Variants in LOXL2 observed in about 807,000 individuals in gnomAD.
The protein encoded by LOXL2 is lysyl oxidase like 2, also known as lysyl oxidase homolog 2.
A neutral mutation model predicts 93.0 loss-of-function variants in LOXL2; 70 were observed. That is an observed-to-expected ratio of 0.75 (90% CI 0.62 to 0.92). LOXL2 has a LOEUF of 0.92. Ranked by LOEUF, LOXL2 falls within the 40% of genes least tolerant of loss-of-function variation. LOXL2 has a pLI of 0.00. For missense variants in LOXL2, 973 were observed against 1,054.9 expected, an observed-to-expected ratio of 0.92 and a Z score of 1.08; for synonymous variants, 438 against 413.2, an observed-to-expected ratio of 1.06 and a Z score of -0.73.
chr8:23,339,549 C>T (rs368200380), intron 4 of LOXL2, among the ~76,000 whole-genome samples: 155 of 152,334 alleles, frequency 1.0e-3, no homozygotes, highest in African/African-American at 3.0e-3. Context: ...GGCTTCCAAA[C>T]GCCATCTGAA....
intron 1 of LOXL2, among the ~76,000 whole-genome samples, chr8:23,389,003 T>C (rs183097633): frequency 1.5e-4 from 23 of 152,270 alleles, no homozygotes; most frequent in East Asian, 9.7e-4. Context: ...TTGGAAGACA[T>C]TGTTAGCCCT....
chr8:23,364,150 A>T (rs1804354720), intron 2 of LOXL2: 1 of 152,286 alleles, frequency 6.6e-6, no homozygotes, highest in Non-Finnish European at 1.5e-5. Context: ...GGCTGGGATT[A>T]CAGGCATGAG....
chr8:23,324,328 C>T (rs1803544902), intron 6 of LOXL2, among the ~76,000 whole-genome samples: 1 of 152,174 alleles, frequency 6.6e-6, no homozygotes, highest in Non-Finnish European at 1.5e-5. Flanking sequence ...GGGGACAAGG[C>T]TCCGGGGGGC....
intron 3 of LOXL2, among the ~76,000 whole-genome samples, chr8:23,359,589 G>A (rs542679966): frequency 9.5e-4 from 144 of 152,280 alleles, no homozygotes; most frequent in South Asian, 3.3e-3. Flanking sequence ...CATGAGAGAC[G>A]CTGAGGAGAA....
At chr8:23,379,706 G>A (rs1286050385) in intron 1 of LOXL2, among the ~76,000 whole-genome samples, 1 of 152,196 alleles carries the variant, frequency 6.6e-6, no homozygotes, top group Non-Finnish European at 1.5e-5. Flanking sequence ...CTAGCAATGA[G>A]TGAGGCTCCG....
At chr8:23,305,952 C>T (rs1264998781) in intron 10 of LOXL2, among the ~76,000 whole-genome samples, 3 of 152,032 alleles carry the variant, frequency 2.0e-5, no homozygotes, top group African/African-American at 7.3e-5. Context: ...GCTGGGACTA[C>T]AGAGCACGCC....
chr8:23,306,683 A>G (rs929649625), intron 10 of LOXL2, among the ~76,000 whole-genome samples: 1 of 152,256 alleles, frequency 6.6e-6, no homozygotes, highest in Non-Finnish European at 1.5e-5. Flanking sequence ...GAGGACTGTC[A>G]TCTGAGCTGG....
At chr8:23,330,609 G>GA (rs1554478066) in intron 5 of LOXL2, among the ~76,000 whole-genome samples, 5 of 151,850 alleles carry the variant, frequency 3.3e-5, no homozygotes, top group Non-Finnish European at 7.4e-5. Context: ...AAAATATGAT[G>GA]TAAGGCACGC....
At chr8:23,335,451 G>A (rs1803773810) in intron 4 of LOXL2, among the ~76,000 whole-genome samples, 1 of 152,072 alleles carries the variant, frequency 6.6e-6, no homozygotes, top group African/African-American at 2.4e-5. Context: ...AAATAAATAA[G>A]TAAATAAATA....
chr8:23,357,321 T>A (rs927879196), intron 3 of LOXL2, among the ~76,000 whole-genome samples: 1 of 152,156 alleles, frequency 6.6e-6, no homozygotes, highest in Non-Finnish European at 1.5e-5. Flanking sequence ...CCACCCACCT[T>A]GGCCTCCCAA....
At chr8:23,394,168 G>A (rs547065951) in intron 1 of LOXL2, among the ~76,000 whole-genome samples, 115 of 152,130 alleles carry the variant, frequency 7.6e-4, no homozygotes, top group South Asian at 1.2e-3. Context: ...CGAGGTGGGC[G>A]GATCACCTGA....
At chr8:23,316,071 A>G (rs1803397035) in intron 9 of LOXL2, among the ~76,000 whole-genome samples, 1 of 152,198 alleles carries the variant, frequency 6.6e-6, no homozygotes, top group Admixed American at 6.5e-5. Flanking sequence ...CCTGCTTTGC[A>G]AGGGCTAGGA....
At chr8:23,357,552 T>A (rs1322180897) in intron 3 of LOXL2, among the ~76,000 whole-genome samples, 1 of 152,156 alleles carries the variant, frequency 6.6e-6, no homozygotes, top group Non-Finnish European at 1.5e-5. Flanking sequence ...CCACTCAGAG[T>A]CCTTTTTCCA....
intron 1 of LOXL2, among the ~76,000 whole-genome samples, chr8:23,377,386 C>T (rs148705702): frequency 0.093 from 14,044 of 151,104 alleles, 909 homozygotes; most frequent in Non-Finnish European, 0.14. Flanking sequence ...GGAATAAGTG[C>T]GATGTGGTGC....
intron 4 of LOXL2, 73 bp from the exon 5 acceptor site, chr8:23,333,696 G>T (rs1391632749): frequency 2.5e-6 from 3 of 1,194,924 alleles, no homozygotes; most frequent in Non-Finnish European, 1.2e-6. Flanking sequence ...CAACGAGGCA[G>T]AACATGAGAG....
intron 7 of LOXL2, chr8:23,321,928 C>T: frequency 1.7e-6 from 1 of 590,184 alleles, no homozygotes. Context: ...GCTCACACTG[C>T]ACACAGGGGC....
At chr8:23,300,271 C>T (rs913545718) in intron 12 of LOXL2, among the ~76,000 whole-genome samples, 1 of 152,234 alleles carries the variant, frequency 6.6e-6, no homozygotes. Context: ...TTTCACCCCA[C>T]TCATCTACTG....
chr8:23,385,743 C>G lies in LOXL2; in HGVS notation c.-83-17309G>C, dbSNP rs1804749978. 5.2e-6 allele frequency: 3 copies of G among 575,884 alleles called. No homozygotes were observed. The African/African-American group carries it at 5.6e-5, about 11-fold the overall frequency. 35.7% of individuals were successfully genotyped at this position (575,884 alleles called of 1,614,324 possible). A position where few individuals can be genotyped will look rare whatever the true frequency, so the allele number is the denominator to read the frequency against. ...AGCCACATATGAAATTTTAAATTCC[C>G]TCGTAGCCACTTTCCAAAAGTAGAA... On this transcript the variant is annotated intron_variant, in intron 1 of 13. Coordinates refer to ENST00000389131, the MANE Select transcript of LOXL2 (RefSeq NM_002318.3).
chr8:23,315,700 C>G (rs780765555), intron 9 of LOXL2, among the ~76,000 whole-genome samples: 34 of 152,156 alleles, frequency 2.2e-4, no homozygotes, highest in Non-Finnish European at 4.0e-4. Flanking sequence ...AAATGAATGA[C>G]CTACTCATAA....
Sources: allele counts gnomAD v4.1 joint callset (sites outside exome capture counted in the v4.1 genomes callset), GRCh38; gene constraint gnomAD v4.1.1; transcripts MANE v1.5; gene names NCBI Gene and HGNC (gene_info 2026-07-23, HGNC 2026-07-21).